The following ERC1 variants were observed in gnomAD, a reference collection of about 807,000 sequenced individuals.
The protein encoded by ERC1 is ELKS/RAB6-interacting/CAST family member 1, also known as RAB6 interacting protein 2.
A neutral mutation model predicts 132.0 loss-of-function variants in ERC1; 56 were observed. The observed-to-expected ratio is 0.42, with a 90% CI of 0.34 to 0.53. The LOEUF (loss-of-function observed/expected upper bound fraction) is 0.53. Ranked by LOEUF, ERC1 falls within the 20% of genes least tolerant of loss-of-function variation. The pLI is 0.03. For missense variants in ERC1, 1,202 were observed against 1,349.9 expected (o/e 0.89, Z 1.72); for synonymous variants, 478 against 476.1 (o/e 1.00, Z -0.05).
chr12:1,126,872 C>CAGCT (rs1444641394), intron 7 of ERC1, among the ~76,000 whole-genome samples: 3 of 151,658 alleles, frequency 2.0e-5, no homozygotes, highest in African/African-American at 7.3e-5. Flanking sequence ...CCTGTAGTCC[C>CAGCT]AGCTACTCAG....
intron 2 of ERC1, among the ~76,000 whole-genome samples, chr12:1,053,008 C>G (rs1004732598): frequency 5.3e-5 from 8 of 151,834 alleles, no homozygotes; most frequent in African/African-American, 1.9e-4. Flanking sequence ...TCATTTTATC[C>G]TGTTTTTCTG....
At chr12:1,209,237 G>C (rs1301261286) in intron 12 of ERC1, among the ~76,000 whole-genome samples, 5 of 152,042 alleles carry the variant, frequency 3.3e-5, no homozygotes, top group Non-Finnish European at 7.4e-5. Flanking sequence ...CCAAAGTGCT[G>C]GGATTACAGG....
intron 16 of ERC1, among the ~76,000 whole-genome samples, chr12:1,389,218 G>C (rs538610244): frequency 1.8e-4 from 27 of 152,320 alleles, no homozygotes; most frequent in South Asian, 1.2e-3. Context: ...ATTTTTAGTA[G>C]AGTTGAATTC....
At chr12:1,168,036 A>G (rs768973934) in intron 8 of ERC1, among the ~76,000 whole-genome samples, 16 of 152,054 alleles carry the variant, frequency 1.1e-4, no homozygotes, top group Non-Finnish European at 2.4e-4. Context: ...TCTTATATAC[A>G]GTGCATATAG....
In ERC1 at chr12:1,104,843, A is replaced by C; in HGVS notation, c.1161+19A>C. On this transcript the variant is annotated intron_variant, in intron 4 of 18. Coordinates refer to ENST00000360905, the MANE Select transcript of ERC1 (RefSeq NM_178040.4). Reference sequence around the variant, plus strand: ...GATGAAGGTAAGTGAGAATCTAGTAAAGAATCTTATGAATTACCTTATACT... The same window carrying C: ...GATGAAGGTAAGTGAGAATCTAGTACAGAATCTTATGAATTACCTTATACT... 6.4e-7 allele frequency: 1 copy of C among 1,554,540 alleles called. No individual in the cohort carries two copies. Among genetic ancestry groups the C allele is most frequent in the Non-Finnish European group, 8.9e-7 (1 of 1,125,956 alleles).
At chr12:1,096,370 C>A (rs1231974059) in intron 3 of ERC1, among the ~76,000 whole-genome samples, 1 of 152,080 alleles carries the variant, frequency 6.6e-6, no homozygotes. Flanking sequence ...CAAGTAGATA[C>A]AGAAATACCA....
At chr12:1,071,269 C>G (rs1293296182) in intron 2 of ERC1, among the ~76,000 whole-genome samples, 2 of 152,258 alleles carry the variant, frequency 1.3e-5, no homozygotes, top group South Asian at 2.1e-4. Context: ...TCGTGAGAAA[C>G]TACCAGAGCA....
intron 13 of ERC1, among the ~76,000 whole-genome samples, chr12:1,242,083 G>GTGAT (rs1164919677): frequency 6.6e-6 from 1 of 151,866 alleles, no homozygotes; most frequent in Non-Finnish European, 1.5e-5. Context: ...CTGACCTCAG[G>GTGAT]TGATTCAGCC....
intron 15 of ERC1, among the ~76,000 whole-genome samples, chr12:1,359,287 A>G (rs780658813): frequency 5.9e-5 from 9 of 152,172 alleles, no homozygotes; most frequent in Non-Finnish European, 1.2e-4. Context: ...ATGAGGTAGA[A>G]TCCAGGAGTC....
chr12:1,488,602 C>G (rs1435992656), intron 18 of ERC1, among the ~76,000 whole-genome samples: 2 of 152,152 alleles, frequency 1.3e-5, no homozygotes, highest in Admixed American at 6.5e-5. Context: ...GAGACTCAGA[C>G]AAGTCAAGGT....
chr12:1,182,567 A>G (rs1190555579), intron 10 of ERC1, among the ~76,000 whole-genome samples: 1 of 152,196 alleles, frequency 6.6e-6, no homozygotes, highest in Non-Finnish European at 1.5e-5. Flanking sequence ...GAGCTTTAGC[A>G]TCTTTCTGTG....
At chr12:1,001,720 C>T (rs1014859231) in intron 1 of ERC1, among the ~76,000 whole-genome samples, 4 of 151,928 alleles carry the variant, frequency 2.6e-5, no homozygotes, top group African/African-American at 4.8e-5. Context: ...TGTAGCTGTT[C>T]GTTCATTTTC....
At chr12:1,024,854 AAAAG>A (rs1157682639) in intron 1 of ERC1, among the ~76,000 whole-genome samples, 2 of 151,994 alleles carry the variant, frequency 1.3e-5, no homozygotes, top group African/African-American at 4.8e-5. Context: ...AAAAAAAAAA[AAAAG>A]AAAATACTTG....
At chr12:1,061,613 G>A (rs1209394053) in intron 2 of ERC1, among the ~76,000 whole-genome samples, 1 of 151,914 alleles carries the variant, frequency 6.6e-6, no homozygotes, top group Non-Finnish European at 1.5e-5. Context: ...AGAAACAGCA[G>A]CAACAACAAC....
chr12:1,290,548 G>C (rs1239457200), intron 15 of ERC1, among the ~76,000 whole-genome samples: 3 of 152,140 alleles, frequency 2.0e-5, no homozygotes, highest in Non-Finnish European at 4.4e-5. Flanking sequence ...CATTTTGTAG[G>C]TTGCTGAGAC....
chr12:1,054,439 G>A (rs1029924248), intron 2 of ERC1, among the ~76,000 whole-genome samples: 2 of 151,666 alleles, frequency 1.3e-5, no homozygotes, highest in African/African-American at 4.9e-5. Flanking sequence ...CCGCACCCCC[G>A]GCTCTTTTTA....
rs1303737443 is a variant in ERC1 at position 1,196,921 on chromosome 12, C to CT, written c.2351+6869_2351+6870insT. On this transcript the variant is annotated intron_variant, in intron 12 of 18. Coordinates refer to ENST00000360905, the MANE Select transcript of ERC1 (RefSeq NM_178040.4). ...CTGTCTCTCTACACACACACACACA[C>CT]ACACACACACACACACACACACACA... is the stretch of plus-strand genomic sequence containing the variant. 9.7e-4 allele frequency among the ~76,000 whole-genome samples: 29 copies of CT among 30,016 alleles called. 1 individual carries two copies. The African/African-American group carries it at 0.01, about 11-fold the overall frequency. 19.7% of individuals were successfully genotyped at this position (30,016 alleles called of 152,430 possible).
chr12:1,447,627 G>GTTTTTGTTTTTGT (rs374676553), intron 18 of ERC1, among the ~76,000 whole-genome samples: 1 of 148,786 alleles, frequency 6.7e-6, no homozygotes, highest in Middle Eastern at 3.4e-3. Context: ...GTTTGTCTTT[G>GTTTTTGTTTTTGT]TTTTGTTTTT....
chr12:1,296,401 CTTTTTTTTTTTTTTTT>C (rs57458560), intron 15 of ERC1, among the ~76,000 whole-genome samples: 4 of 76,206 alleles, frequency 5.2e-5, no homozygotes, highest in Admixed American at 1.6e-4. Context: ...ATTGGATAGT[CTTTTTTTTTTTTTTTT>C]TTTTTTTTTT....
Sources: allele counts gnomAD v4.1 joint callset (sites outside exome capture counted in the v4.1 genomes callset), GRCh38; gene constraint gnomAD v4.1.1; transcripts MANE v1.5; gene names NCBI Gene and HGNC (gene_info 2026-07-23, HGNC 2026-07-21).